Variants in CNBD2 observed in about 807,000 individuals in gnomAD.
The protein encoded by CNBD2 is cyclic nucleotide-binding domain-containing protein 2.
In CNBD2, 64 loss-of-function variants were observed where a neutral mutation model predicts 63.7. The ratio of observed to expected loss-of-function variants is 1.00; its 90% confidence interval spans 0.82 to 1.24. The LOEUF (loss-of-function observed/expected upper bound fraction) is 1.24. Ranked by LOEUF, CNBD2 falls within the 50% of genes most tolerant of loss-of-function variation. The pLI, the probability that CNBD2 is intolerant of heterozygous loss-of-function variation, is 0.00. For synonymous variants in CNBD2, 229 were observed against 255.4 expected (o/e 0.90, Z 0.99); for missense variants, 691 against 713.5 (o/e 0.97, Z 0.36).
In CNBD2 at chr20:35,978,205, T is replaced by C. The variant is rs180985614; in HGVS notation, c.243+2203T>C. Among the ~76,000 whole-genome samples, 44 of 152,336 alleles carry C rather than the reference T, an allele frequency of 2.9e-4. 2 individuals carry two copies. In the South Asian group the frequency reaches 4.6e-3, roughly 16 times the overall value. On this transcript the variant is annotated intron_variant, in intron 3 of 11. Transcript: ENST00000373973. ...TATTTTTAGTTTTTGAGACAGAGTC[T>C]TGCTGTGTCATCCAGGCTGAAGTGC...
intron 10 of CNBD2, among the ~76,000 whole-genome samples, chr20:36,017,985 T>C (rs2057157911): frequency 6.6e-6 from 1 of 152,206 alleles, no homozygotes; most frequent in Non-Finnish European, 1.5e-5. Flanking sequence ...TCTTATTTTT[T>C]AGAACAGTTT....
intron 7 of CNBD2, 34 bp from the exon 8 acceptor site, chr20:35,995,004 T>C (rs2056803529): frequency 6.7e-7 from 1 of 1,488,906 alleles, no homozygotes; most frequent in East Asian, 2.3e-5. Context: ...GCCTTAGGGG[T>C]TAACCCTTTT....
intron 2 of CNBD2, among the ~76,000 whole-genome samples, chr20:35,975,573 T>G (rs1054947361): frequency 2.6e-5 from 4 of 152,134 alleles, no homozygotes; most frequent in Non-Finnish European, 5.9e-5. Context: ...GTGCTGGGAT[T>G]ACAGGCGTGA....
chr20:36,016,189 C>T (rs1314875784), intron 10 of CNBD2, among the ~76,000 whole-genome samples: 1 of 152,048 alleles, frequency 6.6e-6, no homozygotes, highest in Non-Finnish European at 1.5e-5. Flanking sequence ...CAATGAGTAC[C>T]CTCAAAACTG....
chr20:35,956,527 G>C (rs1480503309), downstream of CNBD2, among the ~76,000 whole-genome samples: 1 of 152,122 alleles, frequency 6.6e-6, no homozygotes, highest in Non-Finnish European at 1.5e-5. Context: ...TGCATTTACT[G>C]TTGCTCTCAG....
At chr20:35,966,718 C>G (rs369010236), upstream of CNBD2, among the ~76,000 whole-genome samples, 1 of 152,076 alleles carries the variant, frequency 6.6e-6, no homozygotes, top group Non-Finnish European at 1.5e-5. Flanking sequence ...TCCAGGGCCT[C>G]CAAGTTCTAA....
intron 11 of CNBD2, 149 bp downstream of exon 11, chr20:36,023,920 A>G (rs946022806): frequency 1.7e-6 from 1 of 585,412 alleles, no homozygotes; most frequent in African/African-American, 1.9e-5. Context: ...GATAGGCTCA[A>G]TCCTTTTGAT....
At chr20:36,004,865 C>T (rs562076860) in intron 8 of CNBD2, among the ~76,000 whole-genome samples, 6 of 152,256 alleles carry the variant, frequency 3.9e-5, no homozygotes, top group Admixed American at 2.0e-4. Flanking sequence ...ATCTATCCTT[C>T]AATGTCTTTA....
chr20:35,955,191 A>G (rs192260035), exon 1 of CNBD2: 53 of 162,516 alleles, frequency 3.3e-4, no homozygotes, highest in African/African-American at 1.3e-3. Context: ...AGCTCTTGCA[A>G]CGTAGCTAGT....
intron 11 of CNBD2, among the ~76,000 whole-genome samples, chr20:36,025,217 G>A (rs935141856): frequency 3.3e-5 from 5 of 152,180 alleles, no homozygotes; most frequent in Non-Finnish European, 5.9e-5. Flanking sequence ...TTACCCGAGA[G>A]AAACCTAGAA....
chr20:35,966,132 A>T (rs1228286392), upstream of CNBD2, among the ~76,000 whole-genome samples: 1 of 152,162 alleles, frequency 6.6e-6, no homozygotes, highest in African/African-American at 2.4e-5. Flanking sequence ...GGATCCTCTT[A>T]TATTTCCTTC....
At chr20:35,969,098 T>C (rs2056376900) in intron 1 of CNBD2, among the ~76,000 whole-genome samples, 1 of 152,268 alleles carries the variant, frequency 6.6e-6, no homozygotes, top group Admixed American at 6.5e-5. Context: ...AGAGTCAGGG[T>C]AGCAACATTG....
intron 10 of CNBD2, among the ~76,000 whole-genome samples, chr20:36,019,356 C>G (rs914569585): frequency 2.0e-5 from 3 of 151,712 alleles, no homozygotes; most frequent in South Asian, 2.1e-4. Context: ...GAAACCCCGT[C>G]TCTACCAAAA....
chr20:35,979,493 A>C (rs2056567082), intron 3 of CNBD2, among the ~76,000 whole-genome samples: 1 of 152,236 alleles, frequency 6.6e-6, no homozygotes, highest in South Asian at 2.1e-4. Context: ...CCTGGCCTCA[A>C]GTGATCCCCC....
At chr20:35,954,599 C>T (rs753758028), upstream of CNBD2, 3 of 1,397,272 alleles carry the variant, frequency 2.1e-6, no homozygotes, top group East Asian at 3.5e-5. Context: ...CTGCTGCCCT[C>T]GCGGTGCGGG....
chr20:36,022,067 G>A (rs892510910), intron 10 of CNBD2, among the ~76,000 whole-genome samples: 2 of 151,488 alleles, frequency 1.3e-5, no homozygotes, highest in African/African-American at 4.9e-5. Context: ...GGAGTGCAGT[G>A]GCACAATCTT....
intron 7 of CNBD2, 48 bp downstream of exon 7, chr20:35,987,581 C>T (rs776022823): frequency 6.2e-7 from 1 of 1,605,908 alleles, no homozygotes; most frequent in South Asian, 1.1e-5. Context: ...GAGGAGCATG[C>T]CTAAGATCAT....
intron 7 of CNBD2, among the ~76,000 whole-genome samples, chr20:35,988,036 A>G (rs2147254216): frequency 6.6e-6 from 1 of 151,844 alleles, no homozygotes; most frequent in Non-Finnish European, 1.5e-5. Context: ...TGCCCGGCTA[A>G]TTTTTGTACT....
Position 35,972,778 on chromosome 20 carries a change from G to C in CNBD2, c.189+12G>C, listed in dbSNP as rs541849004. The C allele has an allele frequency of 2.5e-6, 4 of 1,613,810 alleles. No homozygotes were observed. In the African/African-American group the frequency reaches 5.3e-5, roughly 22 times the overall value. ...TCTCCTTCTGGGATGTAAGCAGTTGGGCTCAGCAGGATTATGAGGGCTCAA... is the reference window on the plus strand; with the variant it reads ...TCTCCTTCTGGGATGTAAGCAGTTGCGCTCAGCAGGATTATGAGGGCTCAA... On this transcript the variant is annotated intron_variant, in intron 2 of 11. Coordinates refer to ENST00000373973, the MANE Select transcript of CNBD2 (RefSeq NM_001365709.1).
Sources: allele counts gnomAD v4.1 joint callset (sites outside exome capture counted in the v4.1 genomes callset), GRCh38; gene constraint gnomAD v4.1.1; transcripts MANE v1.5; gene names NCBI Gene and HGNC (gene_info 2026-07-23, HGNC 2026-07-21).